The following PKP3 variants were observed in gnomAD, a reference collection of about 807,000 sequenced individuals.
The protein encoded by PKP3 is plakophilin-3.
A neutral mutation model predicts 76.5 loss-of-function variants in PKP3; 66 were observed. The ratio of observed to expected loss-of-function variants is 0.86; its 90% CI spans 0.71 to 1.06. The LOEUF is 1.06. PKP3 is among the 50% of genes least tolerant of loss of function. PKP3 has a pLI of 0.00. For synonymous variants in PKP3, 638 were observed against 516.5 expected (o/e 1.24, Z -3.19); for missense variants, 1,338 against 1,141.0 (o/e 1.17, Z -2.49).
Position 394,540 on chromosome 11 carries a change from A to G in PKP3, c.232+16A>G, listed in dbSNP as rs1209203375. On this transcript the variant is annotated intron_variant, in intron 1 of 12. Transcript: ENST00000331563. Reference sequence around the variant, plus strand: ...ACTGCCAGAGGTAGGCGGTGGGGACAGCGGCGGGGATGGCGGTGGCGGGGA... The same window carrying G: ...ACTGCCAGAGGTAGGCGGTGGGGACGGCGGCGGGGATGGCGGTGGCGGGGA... 4.4e-6 allele frequency: 6 copies of G among 1,362,408 alleles called. No individual in the cohort carries two copies. The highest frequency in any genetic ancestry group is 5.6e-6 in the Non-Finnish European group (6 of 1,063,406). The allele number at this position is 1,362,408 out of a possible 1,614,324, so 84.4% of individuals were successfully genotyped here.
At chr11:392,739 G>A (rs1481033802), upstream of PKP3, 25 of 774,516 alleles carry the variant, frequency 3.2e-5, no homozygotes, top group East Asian at 3.2e-4. Context: ...CCACCACCCC[G>A]ACCCCACCTG....
At chr11:398,151 G>C (rs1847085840) in intron 4 of PKP3, among the ~76,000 whole-genome samples, 1 of 58,108 alleles carries the variant, frequency 1.7e-5, no homozygotes. Flanking sequence ...CATCACCTCC[G>C]TACACCCGCA....
intron 1 of PKP3, among the ~76,000 whole-genome samples, 160 bp downstream of exon 1, chr11:394,684 A>C (rs1564877731): frequency 1.3e-5 from 2 of 152,048 alleles, no homozygotes; most frequent in Non-Finnish European, 2.9e-5. Flanking sequence ...GGGAGAAGCC[A>C]TGGGTGGGGC....
intron 9 of PKP3, 39 bp from the exon 10 acceptor site, chr11:403,579 A>T (rs1805967666): frequency 6.3e-7 from 1 of 1,589,774 alleles, no homozygotes. Context: ...TGAGGGTCTG[A>T]GGCCTCCGGG....
At chr11:396,169 C>T (rs1263162906) in intron 1 of PKP3, 2 of 169,030 alleles carry the variant, frequency 1.2e-5, no homozygotes, top group Non-Finnish European at 2.5e-5. Context: ...CAGTGTCACT[C>T]TCCTGTGACC....
At chr11:403,876 G>T in intron 10 of PKP3, 67 bp from the exon 11 acceptor site, 1 of 1,561,744 alleles carries the variant, frequency 6.4e-7, no homozygotes, top group East Asian at 2.3e-5. Context: ...CCCTGGGGGA[G>T]GCAGGGGACC....
In PKP3 at chr11:400,081, C is replaced by A. The variant is rs376651264; in HGVS notation, c.1388C>A (p.Pro463His). The A allele has an allele frequency of 2.5e-6, 4 of 1,598,470 alleles. No homozygotes were observed. Among genetic ancestry groups the A allele is most frequent in the East Asian group, 2.2e-5 (1 of 44,626 alleles). Residue 463 changes from proline (P) to histidine (H), a missense_variant, in exon 6 of 13, where the codon CCC becomes CAC. Coordinates refer to ENST00000331563, the MANE Select transcript of PKP3 (RefSeq NM_007183.4). ...CCCCTGTCGGGGGCTGGGGGTCCCCCCCTCATCCAGCAGAACGCCTCGGAG... is the reference window on the plus strand; with the variant it reads ...CCCCTGTCGGGGGCTGGGGGTCCCCACCTCATCCAGCAGAACGCCTCGGAG... ...LSPLSGAGGP[P>H]LIQQNASEAE... is the part of the protein sequence containing the mutation.
rs1398254599 is a variant in PKP3, at chr11:404,010, C to T, written c.2145C>T (p.Ala715=). The T allele has an allele frequency of 1.2e-5, 19 of 1,611,718 alleles. No homozygotes were observed. Among genetic ancestry groups the T allele is most frequent in the Non-Finnish European group, 1.4e-5 (16 of 1,179,302 alleles). The change falls in exon 11 of 13, where the codon GCC becomes GCT. Residue 715 remains alanine, a synonymous_variant. Transcript: ENST00000331563. The surrounding 1 kb of genome is among the most constrained non-coding windows in gnomAD (Gnocchi z 4.2). ...PGSVGEKSPP[A]EVLVNIIAVL... ...GCGTGGGTGAGAAGTCGCCCCCAGC[C>T]GAGGTGCTGGTCAACATCATAGCTG...
rs773630706 is a variant in PKP3 at position 397,667 on chromosome 11, C to G, written c.1068+5C>G. On this transcript the variant is annotated splice_donor_5th_base_variant and intron_variant, in intron 4 of 12. Transcript: ENST00000331563. The stretch of plus-strand genomic sequence containing the variant: ...GATGCAGCCGCCAAGAAGCAGGTGA[C>G]CACCCCGACCACCCACTCGCTGCCC... The G allele has an allele frequency of 6.2e-7, 1 of 1,608,566 alleles. No homozygotes were observed. The highest frequency in any genetic ancestry group is 8.5e-7 in the Non-Finnish European group (1 of 1,177,418).
At chr11:395,520 C>T (rs967113656) in intron 1 of PKP3, among the ~76,000 whole-genome samples, 2 of 152,190 alleles carry the variant, frequency 1.3e-5, no homozygotes, top group African/African-American at 4.8e-5. Flanking sequence ...GGTTAATTAC[C>T]ACCCTGGCTG....
chr11:403,006 A>G (rs1305615012), intron 8 of PKP3, 72 bp from the exon 9 acceptor site: 1 of 21,922 alleles, frequency 4.6e-5, no homozygotes, highest in Non-Finnish European at 5.4e-5. Flanking sequence ...CTCACACCCG[A>G]CCCGCTCACC....
chr11:394,260 GCCGCCAGGCCCAGGCCCGGTGGACCTGCC>G lies in PKP3; in HGVS notation c.-32_-4del, dbSNP rs1483897604. ...GTGAAGATAGTTGGGTTTGGAGGCG[GCCGCCAGGCCCAGGCCCGGTGGACCTGCC>G]GCCATGCAGGACGGTAACTTCCTGC... is the stretch of plus-strand genomic sequence containing the variant. On this transcript the variant is annotated 5_prime_UTR_variant, in exon 1 of 13. Transcript: ENST00000331563. The G allele has an allele frequency of 1.4e-5, 20 of 1,464,938 alleles. No homozygotes were observed. The highest frequency in any genetic ancestry group is 5.0e-5 in the Admixed American group (2 of 40,168). The allele number at this position is 1,464,938 out of a possible 1,614,324, so 90.7% of individuals were successfully genotyped here.
upstream of PKP3, chr11:394,195 T>C: frequency 5.8e-6 from 8 of 1,375,168 alleles, no homozygotes; most frequent in South Asian, 1.1e-4. Flanking sequence ...TGAGGCTGGC[T>C]GGGCGGGGAC....
At position 404,665 on chromosome 11, in the gene PKP3, A is replaced by AATGAC. The variant is rs1229328061; in HGVS notation, c.*97_*101dup. 4 of 1,272,750 alleles carry AATGAC rather than the reference A, an allele frequency of 3.1e-6. No individual in the cohort carries two copies. The highest frequency in any genetic ancestry group is 4.5e-6 in the Non-Finnish European group (4 of 881,176). The allele number at this position is 1,272,750 out of a possible 1,614,324, so 78.8% of individuals were successfully genotyped here. On this transcript the variant is annotated 3_prime_UTR_variant, in exon 13 of 13. Transcript: ENST00000331563. This position sits in a 1 kb window ranked among gnomAD's most constrained non-coding sequence, Gnocchi z 4.2. ...GCAGCCCAGCCTGGAGGAGAAGGCT[A>AATGAC]ATGACGGAGGGGCCCCTCGCTGGGG...
Position 403,222 on chromosome 11 carries a change from G to A in PKP3, c.1882G>A (p.Ala628Thr). The change falls in exon 9 of 13, where the codon GCC (alanine) becomes ACC (threonine). Residue 628 changes from alanine (A) to threonine (T), a missense_variant. Transcript: ENST00000331563. ...CELNRHTTEA[A>T]AGALQNITAG... ...GCTCAACCGGCACACGACGGAGGCG[G>A]CCGCCGGGGCGCTGCAGAACATCAC... is the stretch of plus-strand genomic sequence containing the variant. 1 of 1,588,220 alleles carries A rather than the reference G, an allele frequency of 6.3e-7. No homozygotes were observed. Among genetic ancestry groups the A allele is most frequent in the East Asian group, 2.3e-5 (1 of 43,684 alleles).
rs138411889 is a variant in PKP3 at position 399,065 on chromosome 11, C to A, written c.1142C>A (p.Ala381Asp). ...GCCAACCAGGAAGTGCAGCGCCATG[C>A]CACAGGTGCCATGCGCAACCTCATC... ...NHANQEVQRH[A>D]TGAMRNLIYD... The change falls in exon 5 of 13, where the codon GCC becomes GAC. Residue 381 changes from alanine to aspartate, a missense_variant. By Grantham distance (126) the Ala-to-Asp change is moderately radical. Transcript: ENST00000331563. 1.2e-6 allele frequency: 2 copies of A among 1,610,926 alleles called. No homozygotes were observed. Among genetic ancestry groups the A allele is most frequent in the Non-Finnish European group, 8.5e-7 (1 of 1,178,758 alleles).
chr11:403,788 C>T lies in PKP3; in HGVS notation c.2077+17C>T, dbSNP rs375278301. The T allele has an allele frequency of 1.4e-4, 219 of 1,603,688 alleles. No homozygotes were observed. The highest frequency in any genetic ancestry group is 1.8e-4 in the Non-Finnish European group (209 of 1,179,688). On this transcript the variant is annotated intron_variant, in intron 10 of 12. Transcript: ENST00000331563. ...ACGAGATGTGTGAGTCGGGCAGCCC[C>T]TCGTCCCTGCCCTGCTGGACCCACA... is the stretch of plus-strand genomic sequence containing the variant.
Position 396,953 on chromosome 11 carries a change from C to A in PKP3, c.452C>A (p.Ala151Asp), listed in dbSNP as rs748161813. The A allele has an allele frequency of 1.3e-5, 21 of 1,595,756 alleles. No homozygotes were observed. The highest frequency in any genetic ancestry group is 1.7e-4 in the Middle Eastern group (1 of 6,028). Residue 151 changes from alanine to aspartate, a missense_variant, in exon 3 of 13, where the codon GCC becomes GAC. Coordinates refer to ENST00000331563, the MANE Select transcript of PKP3 (RefSeq NM_007183.4). Reference sequence around the variant, plus strand: ...TTTGGGGCCGCTGGGTACGGGGGTGCCCAGCCCACCCCTCCCATGCCCACC... The same window carrying A: ...TTTGGGGCCGCTGGGTACGGGGGTGACCAGCCCACCCCTCCCATGCCCACC... ...SAFGAAGYGG[A>D]QPTPPMPTRP...
intron 1 of PKP3, among the ~76,000 whole-genome samples, chr11:394,885 T>C (rs1300776091): frequency 6.6e-6 from 1 of 151,912 alleles, no homozygotes; most frequent in African/African-American, 2.4e-5. Flanking sequence ...CAGACTCACA[T>C]AGGGTCTCAG....
Sources: gnomAD v4.1 joint callset for allele counts (sites outside exome capture counted in the v4.1 genomes callset) on GRCh38, gnomAD v4.1.1 for gene constraint, Gnocchi (gnomAD v3.1) non-coding constraint, MANE v1.5 for transcripts, NCBI Gene and HGNC (gene_info 2026-07-23, HGNC 2026-07-21) for gene names.